Variants in ULK2 observed in about 807,000 individuals in gnomAD.
ULK2 encodes serine/threonine-protein kinase ULK2.
ULK2 carries 76 observed loss-of-function variants against 127.5 expected under a neutral mutation model. The observed-to-expected ratio is 0.60, with a 90% CI of 0.50 to 0.72. ULK2 has a LOEUF of 0.72. Ranked by LOEUF, ULK2 falls within the 30% of genes least tolerant of loss-of-function variation. ULK2 has a pLI of 0.00. For synonymous variants in ULK2, 452 were observed against 461.9 expected, an observed-to-expected ratio of 0.98 and a Z score of 0.28; for missense variants, 1,144 against 1,295.9, an observed-to-expected ratio of 0.88 and a Z score of 1.80.
Position 19,841,484 on chromosome 17 carries a change from C to G in ULK2, c.704+5G>C. 1 of 1,590,506 alleles carries G rather than the reference C, an allele frequency of 6.3e-7. No homozygotes were observed. The highest frequency in any genetic ancestry group is 8.5e-7 in the Non-Finnish European group (1 of 1,173,352). On this transcript the variant is annotated splice_donor_5th_base_variant and intron_variant, in intron 9 of 26. Coordinates refer to ENST00000395544, the MANE Select transcript of ULK2 (RefSeq NM_014683.4). ...AGTAAAACCCAGTGTAATCTAAACA[C>G]ATACCTAGGCATTAAGCTCCTGTTT... is the stretch of plus-strand genomic sequence containing the variant.
At chr17:19,793,073 A>C (rs2087191017) in intron 20 of ULK2, among the ~76,000 whole-genome samples, 1 of 152,212 alleles carries the variant, frequency 6.6e-6, no homozygotes, top group Non-Finnish European at 1.5e-5. Flanking sequence ...CTCACAGTTA[A>C]GAATGGCTGG....
rs2086753988 is a variant in ULK2, at chr17:19,772,758, G to C, written c.*3591C>G. ...GCACTTTGGGAGGCCGAGGCGGGCG[G>C]ATCACGAGGTCAGGAGATCGAGACC... is the stretch of plus-strand genomic sequence containing the variant. On this transcript the variant is annotated 3_prime_UTR_variant, in exon 27 of 27. Transcript: ENST00000395544. 1 of 148,142 alleles carries C rather than the reference G, an allele frequency of 6.8e-6. No homozygotes were observed. Among genetic ancestry groups the C allele is most frequent in the Admixed American group, 6.8e-5 (1 of 14,810 alleles). The allele number at this position is 148,142 out of a possible 1,614,324, so 9.2% of individuals were successfully genotyped here.
chr17:19,862,988 A>G (rs997876683), intron 3 of ULK2, among the ~76,000 whole-genome samples: 1 of 152,068 alleles, frequency 6.6e-6, no homozygotes, highest in Non-Finnish European at 1.5e-5. Context: ...CAGAGGCAGG[A>G]GGATCACCTG....
chr17:19,843,531 C>T (rs2041813535), intron 7 of ULK2, among the ~76,000 whole-genome samples: 1 of 151,938 alleles, frequency 6.6e-6, no homozygotes, highest in Admixed American at 6.6e-5. Flanking sequence ...AAATACACAC[C>T]ATAGGACATG....
In ULK2 at chr17:19,816,838, T is replaced by C. The variant is rs533051796; in HGVS notation, c.1007A>G (p.Lys336Arg). Residue 336 changes from lysine to arginine, a missense_variant, in exon 13 of 27, where the codon AAA becomes AGA. By Grantham distance (26) the Lys-to-Arg change is conservative. This residue lies in a region of ULK2 where 913 missense variants were observed against 970.5 expected (regional missense o/e 0.94). Transcript: ENST00000395544. ...LGPPNYLQVS[K>R]DSASTSSKNS... is the part of the protein sequence containing the mutation. The stretch of plus-strand genomic sequence containing the variant: ...CTTGCTACTAGTACTGGCAGAATCT[T>C]TGGAAACTTGTAGATAGTTGGGAGG... The C allele has an allele frequency of 1.2e-6, 2 of 1,612,736 alleles. No homozygotes were observed. Among genetic ancestry groups the C allele is most frequent in the East Asian group, 2.2e-5 (1 of 44,826 alleles).
rs185629383 is a variant in ULK2, at chr17:19,848,669, C to T, written c.295+700G>A. Among the ~76,000 whole-genome samples the T allele has an allele frequency of 3.5e-4, 53 of 151,826 alleles. No homozygotes were observed. In the East Asian group the frequency reaches 8.9e-3, roughly 26 times the overall value. ...GTATGCACCTGTAATCCCAGCTACT[C>T]GGGAGGCTGAGGCAGGAGAATCACT... On this transcript the variant is annotated intron_variant, in intron 5 of 26. Transcript: ENST00000395544.
intron 23 of ULK2, among the ~76,000 whole-genome samples, chr17:19,781,336 G>T (rs1161701749): frequency 6.7e-6 from 1 of 150,208 alleles, no homozygotes; most frequent in African/African-American, 2.5e-5. Context: ...CTACTTCCTG[G>T]GCTCAAGGGA....
intron 3 of ULK2, chr17:19,855,952 C>T (rs2042117930): frequency 6.6e-6 from 1 of 151,866 alleles, no homozygotes; most frequent in Middle Eastern, 3.4e-3. Context: ...GAGTTAGAGG[C>T]TGCAGTGAGA....
At chr17:19,809,763 G>C (rs183075453) in intron 14 of ULK2, among the ~76,000 whole-genome samples, 1 of 142,870 alleles carries the variant, frequency 7.0e-6, no homozygotes, top group African/African-American at 2.6e-5. Flanking sequence ...AAATTAGCCA[G>C]GTATGGTGGC....
At chr17:19,856,693 C>T (rs1251385532) in intron 3 of ULK2, among the ~76,000 whole-genome samples, 1 of 151,600 alleles carries the variant, frequency 6.6e-6, no homozygotes, top group Non-Finnish European at 1.5e-5. Flanking sequence ...AGTTTTACGG[C>T]CGGGTGCAGT....
At chr17:19,830,207 T>A (rs1481181145) in intron 10 of ULK2, among the ~76,000 whole-genome samples, 5 of 152,074 alleles carry the variant, frequency 3.3e-5, no homozygotes, top group African/African-American at 1.2e-4. Flanking sequence ...TAATAATTTT[T>A]TTTTTTAATC....
At chr17:19,854,712 C>T (rs1479969207) in intron 3 of ULK2, among the ~76,000 whole-genome samples, 1 of 152,030 alleles carries the variant, frequency 6.6e-6, no homozygotes, top group African/African-American at 2.4e-5. Context: ...GAATCATTTT[C>T]ATAAGCTCAG....
intron 11 of ULK2, among the ~76,000 whole-genome samples, chr17:19,825,796 G>C (rs1160008425): frequency 6.6e-6 from 1 of 151,150 alleles, no homozygotes. Flanking sequence ...AGACCAGCCT[G>C]ACCAACATGG....
rs749110722 is a variant in ULK2, at chr17:19,867,411, C to G, written c.7G>C (p.Val3Leu). Residue 3 changes from valine to leucine, a missense_variant, in exon 1 of 27, where the codon GTG becomes CTG. By Grantham distance (32) the Val-to-Leu change is conservative. Transcript: ENST00000395544. ...TTGCTGTACTCGAAGTCACCCACCA[C>G]CTCCATGGCCGCGCCCCCGGGGCAC... The part of the protein sequence containing the change: ME[V>L]VGDFEYSKRD... The G allele has an allele frequency of 6.3e-7, 1 of 1,595,352 alleles. No individual in the cohort carries two copies. Among genetic ancestry groups the G allele is most frequent in the South Asian group, 1.1e-5 (1 of 88,936 alleles).
chr17:19,849,890 C>T, intron 3 of ULK2, 116 bp from the exon 4 acceptor site: 1 of 601,368 alleles, frequency 1.7e-6, no homozygotes, highest in Non-Finnish European at 2.8e-6. Flanking sequence ...AATGAAATCA[C>T]AAAATCTATT....
intron 16 of ULK2, 126 bp downstream of exon 16, chr17:19,801,651 G>C (rs1430181666): frequency 7.3e-6 from 9 of 1,230,690 alleles, no homozygotes; most frequent in Non-Finnish European, 9.2e-6. Flanking sequence ...GGAGGGACGG[G>C]GTATGGCCTC....
intron 16 of ULK2, among the ~76,000 whole-genome samples, chr17:19,800,351 G>A (rs1001262335): frequency 7.2e-5 from 11 of 152,138 alleles, no homozygotes; most frequent in Non-Finnish European, 1.6e-4. Flanking sequence ...AGTTTAAGCA[G>A]ATGAGAAACA....
intron 14 of ULK2, among the ~76,000 whole-genome samples, chr17:19,809,079 A>G (rs2087572295): frequency 6.6e-6 from 1 of 152,252 alleles, no homozygotes; most frequent in Admixed American, 6.5e-5. Flanking sequence ...ACCATGGAAT[A>G]TAATTCAGCT....
intron 20 of ULK2, among the ~76,000 whole-genome samples, chr17:19,786,667 T>C (rs2087038802): frequency 6.7e-6 from 1 of 149,016 alleles, no homozygotes; most frequent in Admixed American, 6.7e-5. Flanking sequence ...TGAGCTGAGA[T>C]CATGCCACTG....
Sources: allele counts gnomAD v4.1 joint callset (sites outside exome capture counted in the v4.1 genomes callset), GRCh38; gene constraint gnomAD v4.1.1; regional missense constraint gnomAD v4.1.1; transcripts MANE v1.5; gene names NCBI Gene and HGNC (gene_info 2026-07-23, HGNC 2026-07-21).